CAST: variants seen among roughly 807,000 people sequenced by gnomAD.
CAST encodes the protein MIR583 host.
In CAST, 76 loss-of-function variants were observed where a neutral mutation model predicts 119.6. The ratio of observed to expected loss-of-function variants is 0.64; its 90% confidence interval spans 0.53 to 0.77. The LOEUF is 0.77. CAST is among the 30% of genes least tolerant of loss of function. The pLI is 0.00. For synonymous variants in CAST, 319 were observed against 331.6 expected, an observed-to-expected ratio of 0.96 and a Z score of 0.41; for missense variants, 953 against 946.5, an observed-to-expected ratio of 1.01 and a Z score of -0.09.
the CAST span, among the ~76,000 whole-genome samples, chr5:96,171,979 C>T: frequency 6.6e-6 from 1 of 150,522 alleles, no homozygotes; most frequent in Non-Finnish European, 1.5e-5. Context: ...AAATTTCACT[C>T]ACATCCGTGT....
intron 9 of CAST, 38 bp from the exon 10 acceptor site, chr5:96,736,134 G>A (rs751226980): frequency 7.9e-7 from 1 of 1,262,658 alleles, no homozygotes; most frequent in Admixed American, 1.8e-5. Context: ...GTTTTATTAA[G>A]GTATGTGAGG....
the CAST span, among the ~76,000 whole-genome samples, chr5:96,228,239 G>A: frequency 6.6e-6 from 1 of 152,104 alleles, no homozygotes; most frequent in Admixed American, 6.6e-5. Flanking sequence ...CCTACCTCTG[G>A]ATTTCTTTCT....
upstream of CAST, among the ~76,000 whole-genome samples, chr5:96,527,520 T>C (rs1561406928): frequency 6.6e-6 from 1 of 152,156 alleles, no homozygotes; most frequent in Admixed American, 6.5e-5. Context: ...AGAAGTTCAG[T>C]AAATCCCTGT....
chr5:96,689,665 A>G (rs745418692), intron 2 of CAST, among the ~76,000 whole-genome samples: 18 of 152,164 alleles, frequency 1.2e-4, no homozygotes, highest in Non-Finnish European at 2.4e-4. Flanking sequence ...TAAATAACCC[A>G]TCTAAGGCCA....
chr5:96,696,249 C>T (rs959897561), intron 3 of CAST: 1 of 161,748 alleles, frequency 6.2e-6, no homozygotes, highest in Non-Finnish European at 1.4e-5. Flanking sequence ...ATATCCTCCT[C>T]ATGGGCATTA....
At chr5:96,332,487 A>G in the CAST span, among the ~76,000 whole-genome samples, 34 of 152,038 alleles carry the variant, frequency 2.2e-4, no homozygotes, top group African/African-American at 8.2e-4. Context: ...GTAGTGGGTG[A>G]TGATAAAAAT....
At chr5:96,631,722 T>C (rs169013) in intron 1 of CAST, among the ~76,000 whole-genome samples, 105,043 of 150,842 alleles carry the variant, frequency 0.7, 37,650 homozygotes, top group African/African-American at 0.87. Context: ...TTAGTAGAGA[T>C]GGGGTTTCAC....
intron 12 of CAST, 67 bp from the exon 13 acceptor site, chr5:96,740,678 A>G (rs1762480290): frequency 8.8e-7 from 1 of 1,141,960 alleles, no homozygotes; most frequent in Non-Finnish European, 1.3e-6. Context: ...ACAACGGGCA[A>G]TACATTTTGC....
At chr5:96,204,602 C>CCT in the CAST span, among the ~76,000 whole-genome samples, 1 of 152,040 alleles carries the variant, frequency 6.6e-6, no homozygotes, top group African/African-American at 2.4e-5. Context: ...TCCAGGACAT[C>CCT]CTCTAGCCCT....
At chr5:96,416,421 G>A in the CAST span, among the ~76,000 whole-genome samples, 3,750 of 152,302 alleles carry the variant, frequency 0.025, 153 homozygotes, top group African/African-American at 0.086. Context: ...AACACTTAGA[G>A]CAGTGGATGG....
the CAST span, among the ~76,000 whole-genome samples, chr5:96,414,622 G>T: frequency 6.6e-6 from 1 of 152,254 alleles, no homozygotes; most frequent in East Asian, 1.9e-4. Context: ...AGTAGGCTTG[G>T]AATCTTGTGT....
the CAST span, among the ~76,000 whole-genome samples, chr5:96,094,319 C>T: frequency 6.6e-6 from 1 of 152,098 alleles, no homozygotes; most frequent in Non-Finnish European, 1.5e-5. Flanking sequence ...AATTGTTTAA[C>T]TCATATATAT....
At chr5:96,372,644 A>C in the CAST span, among the ~76,000 whole-genome samples, 2 of 152,160 alleles carry the variant, frequency 1.3e-5, no homozygotes, top group Non-Finnish European at 2.9e-5. Context: ...AGATTCAAAT[A>C]CTGTCCCTGT....
chr5:96,231,028 C>T, the CAST span, among the ~76,000 whole-genome samples: 4 of 151,834 alleles, frequency 2.6e-5, no homozygotes, highest in Admixed American at 6.6e-5. Context: ...CATACTTTCC[C>T]GGTGGGAAAA....
the CAST span, among the ~76,000 whole-genome samples, chr5:96,276,554 T>C: frequency 4.9e-4 from 75 of 152,352 alleles, no homozygotes; most frequent in Middle Eastern, 0.014. Context: ...TAACTGTCTG[T>C]AGCAGAGATC....
the CAST span, among the ~76,000 whole-genome samples, chr5:96,298,143 C>G: frequency 2.0e-5 from 3 of 152,214 alleles, no homozygotes; most frequent in Non-Finnish European, 4.4e-5. Context: ...TTACACAATT[C>G]ATCCTGGACT....
the CAST span, among the ~76,000 whole-genome samples, chr5:96,514,613 A>G: frequency 6.6e-6 from 1 of 152,192 alleles, no homozygotes; most frequent in African/African-American, 2.4e-5. Context: ...ATATAAAATT[A>G]TAACCCCCAC....
intron 22 of CAST, among the ~76,000 whole-genome samples, chr5:96,755,877 C>T (rs1305987294): frequency 6.6e-6 from 1 of 152,196 alleles, no homozygotes; most frequent in Non-Finnish European, 1.5e-5. Context: ...CTAAGGGCCA[C>T]ATGTTCTGTC....
chr5:96,632,547 T>C (rs1220719194), intron 1 of CAST, among the ~76,000 whole-genome samples: 1 of 152,212 alleles, frequency 6.6e-6, no homozygotes, highest in Non-Finnish European at 1.5e-5. Flanking sequence ...TTTCCATTTA[T>C]ATTTCTTCGA....
Sources: gnomAD v4.1 joint callset for allele counts (sites outside exome capture counted in the v4.1 genomes callset) on GRCh38, gnomAD v4.1.1 for gene constraint, MANE v1.5 for transcripts, NCBI Gene and HGNC (gene_info 2026-07-23, HGNC 2026-07-21) for gene names.